Variants in LRP1 observed in about 807,000 individuals in gnomAD.
The protein encoded by LRP1 is prolow-density lipoprotein receptor-related protein 1.
LRP1 carries 51 observed loss-of-function variants against 541.5 expected under a neutral mutation model. That is an observed-to-expected ratio of 0.09 (90% CI 0.08 to 0.12). The LOEUF (loss-of-function observed/expected upper bound fraction) is 0.12. Among genes scored for constraint, LRP1 ranks in the 10% least tolerant of loss-of-function variants. The pLI is 1.00. For missense variants in LRP1, 3,878 were observed against 6,376.2 expected (o/e 0.61, Z 13.34); for synonymous variants, 2,219 against 2,470.8 (o/e 0.90, Z 3.02).
rs537146000 is a variant in LRP1 at position 57,197,771 on chromosome 12, C to T, written c.9282+107C>T. 3.9e-6 allele frequency: 5 copies of T among 1,293,286 alleles called. No homozygotes were observed. The highest frequency in any genetic ancestry group is 5.4e-6 in the Non-Finnish European group (5 of 931,094). The allele number at this position is 1,293,286 out of a possible 1,614,324, so 80.1% of individuals were successfully genotyped here. A position where few individuals can be genotyped will look rare whatever the true frequency, so the allele number is the denominator to read the frequency against. ...AACCCAAATTGCTTCCTTCTCACTC[C>T]ACTAGTCACTATATGACTGCTTGTT... On this transcript the variant is annotated intron_variant, in intron 58 of 88. Transcript: ENST00000243077. This position sits in a 1 kb window ranked among gnomAD's most constrained non-coding sequence, Gnocchi z 4.5.
At chr12:57,150,189 C>CTTTTTTT (rs769778868) in intron 6 of LRP1, 1,302 of 92,830 alleles carry the variant, frequency 0.014, 101 homozygotes, top group African/African-American at 0.028. Context: ...AAACTTCCTT[C>CTTTTTTT]TTTTTTTTTT....
chr12:57,198,151 T>C lies in LRP1; in HGVS notation c.9283-5T>C. ...GAGCTCTCCCTCCCCTGCCCCTTCC[T>C]GCAGGTCCTACACCGTACAGGCCTC... On this transcript the variant is annotated splice_polypyrimidine_tract_variant and splice_region_variant and intron_variant, in intron 58 of 88. Coordinates refer to ENST00000243077, the MANE Select transcript of LRP1 (RefSeq NM_002332.3). 1 of 1,595,126 alleles carries C rather than the reference T, an allele frequency of 6.3e-7. No individual in the cohort carries two copies. The highest frequency in any genetic ancestry group is 1.3e-5 in the African/African-American group (1 of 74,674).
intron 68 of LRP1, 104 bp from the exon 69 acceptor site, chr12:57,203,077 T>G (rs1409790400): frequency 1.2e-6 from 1 of 856,222 alleles, no homozygotes; most frequent in African/African-American, 1.7e-5. Context: ...AGCTGTGGCC[T>G]TCAGAGACAC....
At chr12:57,134,671 G>C (rs944137945) in intron 1 of LRP1, among the ~76,000 whole-genome samples, 2 of 151,358 alleles carry the variant, frequency 1.3e-5, no homozygotes, top group African/African-American at 4.8e-5. Context: ...CTACAGACGG[G>C]AGCCACTGCG....
intron 12 of LRP1, among the ~76,000 whole-genome samples, chr12:57,160,329 C>T (rs1237681350): frequency 1.3e-5 from 2 of 152,110 alleles, no homozygotes; most frequent in Non-Finnish European, 2.9e-5. Flanking sequence ...ATCTGCATCC[C>T]GCTTCCCACA....
intron 77 of LRP1, 135 bp downstream of exon 77, chr12:57,208,351 G>A (rs1415280581): frequency 7.2e-6 from 7 of 968,870 alleles, no homozygotes; most frequent in Non-Finnish European, 1.5e-6. Context: ...AGTCCCTTGG[G>A]TCTTCTCGGC....
At position 57,208,025 on chromosome 12, in the gene LRP1, G is replaced by A; in HGVS notation, c.11860-13G>A. On this transcript the variant is annotated splice_polypyrimidine_tract_variant and intron_variant, in intron 76 of 88. Transcript: ENST00000243077. Reference sequence around the variant, plus strand: ...ACAAAGCAGTGGCCCCTGAACCTGTGGCTTCCATTCAGATTTCAGGGCTGA... The same window carrying A: ...ACAAAGCAGTGGCCCCTGAACCTGTAGCTTCCATTCAGATTTCAGGGCTGA... 6.2e-7 allele frequency: 1 copy of A among 1,612,872 alleles called. No individual in the cohort carries two copies. Among genetic ancestry groups the A allele is most frequent in the Non-Finnish European group, 8.5e-7 (1 of 1,179,134 alleles).
chr12:57,158,554 T>C lies in LRP1; in HGVS notation c.1714T>C (p.Phe572Leu). The C allele has an allele frequency of 2.5e-6, 4 of 1,614,114 alleles. No individual in the cohort carries two copies. The highest frequency in any genetic ancestry group is 3.4e-6 in the Non-Finnish European group (4 of 1,180,012). Reference protein sequence around the residue: ...RALDFHAETGFIYFADTTSYL... With the variant: ...RALDFHAETGLIYFADTTSYL... ...CCTGGACTTCCACGCTGAGACCGGC[T>C]TCATCTACTTTGCCGACACCACCAG... The change falls in exon 11 of 89, where the codon TTC becomes CTC. Residue 572 changes from phenylalanine (F) to leucine (L), a missense_variant. By Grantham distance (22) the Phe-to-Leu change is conservative (BLOSUM62 0). Coordinates refer to ENST00000243077, the MANE Select transcript of LRP1 (RefSeq NM_002332.3). The surrounding 1 kb of genome is among the most constrained non-coding windows in gnomAD (Gnocchi z 5.3).
At chr12:57,134,635 C>T (rs1362948071) in intron 1 of LRP1, among the ~76,000 whole-genome samples, 3 of 152,074 alleles carry the variant, frequency 2.0e-5, no homozygotes, top group East Asian at 1.9e-4. Context: ...CGCCCATCTC[C>T]GCCTCCACCT....
At position 57,178,285 on chromosome 12, in the gene LRP1, G is replaced by A; in HGVS notation, c.4362-74G>A. On this transcript the variant is annotated intron_variant, in intron 26 of 88. Coordinates refer to ENST00000243077, the MANE Select transcript of LRP1 (RefSeq NM_002332.3). This position sits in a 1 kb window ranked among gnomAD's most constrained non-coding sequence, Gnocchi z 5.8. Reference sequence around the variant, plus strand: ...GGAGGGCTGTGGCCAGGGCCCAGAGGGTGGGCACCTGGGCAGAGCTCTGAG... The same window carrying A: ...GGAGGGCTGTGGCCAGGGCCCAGAGAGTGGGCACCTGGGCAGAGCTCTGAG... 6.5e-7 allele frequency: 1 copy of A among 1,540,576 alleles called. No homozygotes were observed. The highest frequency in any genetic ancestry group is 1.2e-5 in the South Asian group (1 of 80,324).
chr12:57,187,199 C>T lies in LRP1; in HGVS notation c.6842-68C>T, dbSNP rs537520601. On this transcript the variant is annotated intron_variant, in intron 41 of 88. Transcript: ENST00000243077. ...AGGAGAGCACCTGCCCCAGGCTGTC[C>T]CCCACGGCTCCTGTGCAGGCTGCCC... The T allele has an allele frequency of 6.3e-5, 95 of 1,510,474 alleles. No individual in the cohort carries two copies. The East Asian group carries it at 1.9e-3, about 30-fold the overall frequency. 93.6% of individuals were successfully genotyped at this position (1,510,474 alleles called of 1,614,324 possible). A position where few individuals can be genotyped will look rare whatever the true frequency, so the allele number is the denominator to read the frequency against.
Position 57,178,342 on chromosome 12 carries a change from C to T in LRP1, c.4362-17C>T, listed in dbSNP as rs760226653. On this transcript the variant is annotated splice_polypyrimidine_tract_variant and intron_variant, in intron 26 of 88. Coordinates refer to ENST00000243077, the MANE Select transcript of LRP1 (RefSeq NM_002332.3). The surrounding 1 kb of genome is among the most constrained non-coding windows in gnomAD (Gnocchi z 5.8). ...GATCCCAGCTGGCATCCTCATTCTGCTCCATCATGCTCTTAGGTCAGATGC... is the reference window on the plus strand; with the variant it reads ...GATCCCAGCTGGCATCCTCATTCTGTTCCATCATGCTCTTAGGTCAGATGC... The T allele has an allele frequency of 6.2e-7, 1 of 1,605,302 alleles. No homozygotes were observed. The highest frequency in any genetic ancestry group is 8.5e-7 in the Non-Finnish European group (1 of 1,173,716).
intron 6 of LRP1, chr12:57,148,941 TC>T: frequency 1.7e-6 from 1 of 579,970 alleles, no homozygotes; most frequent in East Asian, 3.2e-5. Flanking sequence ...ACTTCACTTT[TC>T]CCTTCCTCTC....
At chr12:57,207,808 T>A (rs2036816832) in intron 76 of LRP1, among the ~76,000 whole-genome samples, 2 of 152,246 alleles carry the variant, frequency 1.3e-5, no homozygotes, top group Non-Finnish European at 2.9e-5. Context: ...ACTTTGTTTA[T>A]CAATAAAATT....
In LRP1 at chr12:57,203,162, C is replaced by T; in HGVS notation, c.10712-19C>T. 1 of 1,536,292 alleles carries T rather than the reference C, an allele frequency of 6.5e-7. No homozygotes were observed. Among genetic ancestry groups the T allele is most frequent in the Non-Finnish European group, 8.8e-7 (1 of 1,133,188 alleles). ...CTTGTGCCCACCCTCCTGGGCCTGT[C>T]TCCCCCTGTCCTTCCCAGCCCCTCG... On this transcript the variant is annotated intron_variant, in intron 68 of 88. Coordinates refer to ENST00000243077, the MANE Select transcript of LRP1 (RefSeq NM_002332.3).
chr12:57,207,281 A>G (rs1487112326), intron 76 of LRP1, among the ~76,000 whole-genome samples: 1 of 136,244 alleles, frequency 7.3e-6, no homozygotes, highest in Non-Finnish European at 1.5e-5. Context: ...TAAATAAATA[A>G]ATAGAGACTC....
chr12:57,160,792 C>T, intron 12 of LRP1, 101 bp from the exon 13 acceptor site: 1 of 799,576 alleles, frequency 1.3e-6, no homozygotes, highest in South Asian at 1.6e-5. Context: ...GACAGGAGAC[C>T]CCTGTGAGGA....
At chr12:57,130,475 A>C (rs1023555451) in intron 1 of LRP1, among the ~76,000 whole-genome samples, 5 of 150,584 alleles carry the variant, frequency 3.3e-5, no homozygotes, top group Non-Finnish European at 5.9e-5. Flanking sequence ...CTTTTCCTGA[A>C]TATCCTCCAG....
At position 57,200,826 on chromosome 12, in the gene LRP1, G is replaced by GGGGGCCC; in HGVS notation, c.10225+11_10225+12insGGGGCCC. On this transcript the variant is annotated intron_variant, in intron 64 of 88. Coordinates refer to ENST00000243077, the MANE Select transcript of LRP1 (RefSeq NM_002332.3). ...ACGAGGCCAACTGTGGTAAGGCGCT[G>GGGGGCCC]CCCGCCCACCCTCCCTCCTTCCCCA... 3 of 1,581,402 alleles carry GGGGGCCC rather than the reference G, an allele frequency of 1.9e-6. No homozygotes were observed. The highest frequency in any genetic ancestry group is 2.6e-6 in the Non-Finnish European group (3 of 1,157,654).
Sources: gnomAD v4.1 joint callset for allele counts (sites outside exome capture counted in the v4.1 genomes callset) on GRCh38, gnomAD v4.1.1 for gene constraint, Gnocchi (gnomAD v3.1) non-coding constraint, MANE v1.5 for transcripts, NCBI Gene and HGNC (gene_info 2026-07-23, HGNC 2026-07-21) for gene names.